PEX19: variants seen among roughly 807,000 people sequenced by gnomAD.
PEX19 encodes 33 kDa housekeeping protein.
Under a neutral mutation model 36.3 loss-of-function variants are expected in PEX19, and 29 were observed. That is an observed-to-expected ratio of 0.80 (90% CI 0.60 to 1.09). The LOEUF (loss-of-function observed/expected upper bound fraction) is 1.09. Ranked by LOEUF, PEX19 falls within the 50% of genes least tolerant of loss-of-function variation. PEX19 has a pLI of 0.00. For missense variants in PEX19, 396 were observed against 368.1 expected, an observed-to-expected ratio of 1.08 and a Z score of -0.62; for synonymous variants, 141 against 135.2, an observed-to-expected ratio of 1.04 and a Z score of -0.30.
Position 160,285,123 on chromosome 1 carries a change from ATC to A in PEX19, c.-1_1del. ...ACTACAGCCTTCCTCAGCGGCGGCC[ATC>A]TTGCTACCTCCGACTTGCCGTAGGA... On this transcript the variant is annotated start_lost and start_retained_variant and 5_prime_UTR_variant, in exon 1 of 8. Coordinates refer to ENST00000368072, the MANE Select transcript of PEX19 (RefSeq NM_002857.4). 6.2e-7 allele frequency: 1 copy of A among 1,613,406 alleles called. No individual in the cohort carries two copies. The highest frequency in any genetic ancestry group is 1.1e-5 in the South Asian group (1 of 91,064).
In PEX19 at chr1:160,279,335, T is replaced by C. The variant is rs1293153167; in HGVS notation, c.*216A>G. 1 of 687,226 alleles carries C rather than the reference T, an allele frequency of 1.5e-6. No homozygotes were observed. Among genetic ancestry groups the C allele is most frequent in the South Asian group, 1.5e-5 (1 of 66,614 alleles). The allele number at this position is 687,226 out of a possible 1,614,324, so 42.6% of individuals were successfully genotyped here. On this transcript the variant is annotated 3_prime_UTR_variant, in exon 8 of 8. Coordinates refer to ENST00000368072, the MANE Select transcript of PEX19 (RefSeq NM_002857.4). Reference sequence around the variant, plus strand: ...ACTTTGATAGTGGCAGAAACCACAATGGAGTAGGGTTCACAGAAATGGCCT... The same window carrying C: ...ACTTTGATAGTGGCAGAAACCACAACGGAGTAGGGTTCACAGAAATGGCCT...
rs181231561 is a variant in PEX19 at position 160,281,463 on chromosome 1, C to T, written c.594+576G>A. Reference sequence around the variant, plus strand: ...TTGCTCTGTCACCCAGGCCGGAGTACAGTGGCACAATCTCAGCTCACTGCA... The same window carrying T: ...TTGCTCTGTCACCCAGGCCGGAGTATAGTGGCACAATCTCAGCTCACTGCA... On this transcript the variant is annotated intron_variant, in intron 5 of 7. Transcript: ENST00000368072. Among the ~76,000 whole-genome samples, 773 of 152,322 alleles carry T rather than the reference C, an allele frequency of 5.1e-3. 1 individual carries two copies. The highest frequency in any genetic ancestry group is 8.5e-3 in the Non-Finnish European group (581 of 68,020).
rs575112594 is a variant in PEX19, at chr1:160,283,600, G to T, written c.110C>A (p.Ala37Glu). Residue 37 changes from alanine to glutamate, a missense_variant, in exon 2 of 8, where the codon GCA becomes GAA. Physicochemically the swap from Ala to Glu is moderately radical, Grantham distance 107. Transcript: ENST00000368072. Reference sequence around the variant, plus strand: ...AGGGGCCGTGGTGGTAGAAGGGGGTGCTGGGGAGGGTTTGGCTTTATCGAA... The same window carrying T: ...AGGGGCCGTGGTGGTAGAAGGGGGTTCTGGGGAGGGTTTGGCTTTATCGAA... ...DDFDKAKPSP[A>E]PPSTTTAPDA... 1.9e-6 allele frequency: 3 copies of T among 1,614,048 alleles called. No individual in the cohort carries two copies. Among genetic ancestry groups the T allele is most frequent in the Non-Finnish European group, 2.5e-6 (3 of 1,179,998 alleles).
At chr1:160,281,525 C>T (rs1442488327) in intron 5 of PEX19, among the ~76,000 whole-genome samples, 1 of 152,210 alleles carries the variant, frequency 6.6e-6, no homozygotes, top group Non-Finnish European at 1.5e-5. Flanking sequence ...TCTCCTGCTG[C>T]CTCCTGAGTA....
rs1328931034 is a variant in PEX19, at chr1:160,278,761, A to G, written c.*790T>C. 1.3e-5 allele frequency: 6 copies of G among 453,966 alleles called. No homozygotes were observed. The highest frequency in any genetic ancestry group is 7.0e-5 in the Admixed American group (3 of 42,556). 28.1% of individuals were successfully genotyped at this position (453,966 alleles called of 1,614,324 possible). ...GAAATAGGATGGGCCCTTCTTTATCACAGCTTGAGCTCAAAAAGGTTGGGA... is the reference window on the plus strand; with the variant it reads ...GAAATAGGATGGGCCCTTCTTTATCGCAGCTTGAGCTCAAAAAGGTTGGGA... On this transcript the variant is annotated 3_prime_UTR_variant, in exon 8 of 8. Coordinates refer to ENST00000368072, the MANE Select transcript of PEX19 (RefSeq NM_002857.4).
At position 160,278,123 on chromosome 1, in the gene PEX19, G is replaced by GT. The variant is rs1657614823; in HGVS notation, c.*1427dup. On this transcript the variant is annotated 3_prime_UTR_variant, in exon 8 of 8. Transcript: ENST00000368072. ...AGGACAGCCAGCTGAGCTGACCAGAGTACCTACCAACATATGTCAGCCAAG... is the reference window on the plus strand; with the variant it reads ...AGGACAGCCAGCTGAGCTGACCAGAGTTACCTACCAACATATGTCAGCCAAG... 2 of 702,392 alleles carry GT rather than the reference G, an allele frequency of 2.8e-6. No homozygotes were observed. The highest frequency in any genetic ancestry group is 4.0e-5 in the Admixed American group (2 of 49,990). 43.5% of individuals were successfully genotyped at this position (702,392 alleles called of 1,614,324 possible). A position where few individuals can be genotyped will look rare whatever the true frequency, so the allele number is the denominator to read the frequency against.
Position 160,278,807 on chromosome 1 carries a change from A to G in PEX19, c.*744T>C, listed in dbSNP as rs1018604406. The G allele has an allele frequency of 4.4e-6, 2 of 454,080 alleles. No individual in the cohort carries two copies. The highest frequency in any genetic ancestry group is 4.4e-6 in the Non-Finnish European group (1 of 226,800). 28.1% of individuals were successfully genotyped at this position (454,080 alleles called of 1,614,324 possible). On this transcript the variant is annotated 3_prime_UTR_variant, in exon 8 of 8. Coordinates refer to ENST00000368072, the MANE Select transcript of PEX19 (RefSeq NM_002857.4). The stretch of plus-strand genomic sequence containing the variant: ...TGGGATAAACAGGTGTTTAAAAAAG[A>G]GAGGAGGTAAAAGGGAGGATGGGCA...
chr1:160,279,800 C>A lies in PEX19; in HGVS notation c.816+1G>T. 6.2e-7 allele frequency: 1 copy of A among 1,612,270 alleles called. No individual in the cohort carries two copies. The highest frequency in any genetic ancestry group is 8.5e-7 in the Non-Finnish European group (1 of 1,178,318). ...AATCTGGAAAAATAAGACATACTCA[C>A]CATCTCTCCAGCCAGCTCTTTTGGA... On this transcript the variant is annotated splice_donor_variant, in intron 7 of 7. Coordinates refer to ENST00000368072, the MANE Select transcript of PEX19 (RefSeq NM_002857.4). LOFTEE classifies it high-confidence loss of function.
intron 1 of PEX19, among the ~76,000 whole-genome samples, 164 bp downstream of exon 1, chr1:160,284,891 G>A (rs1657944728): frequency 1.3e-5 from 2 of 152,146 alleles, no homozygotes; most frequent in Non-Finnish European, 1.5e-5. Flanking sequence ...GGGTGGGGCA[G>A]GATGACCCAG....
In PEX19 at chr1:160,283,098, G is replaced by A. The variant is rs750771594; in HGVS notation, c.192C>T (p.Phe64=). ...CCTGGAAAAACTTCTCTTGGGAAGC[G>A]AAGAGGGCATCCTGCGGGGGAAGGA... ...SPGDTAKDAL[F]ASQEKFFQEL... The change falls in exon 3 of 8, where the codon TTC becomes TTT. Residue 64 remains phenylalanine (F), a synonymous_variant. Coordinates refer to ENST00000368072, the MANE Select transcript of PEX19 (RefSeq NM_002857.4). 1.6e-5 allele frequency: 26 copies of A among 1,613,464 alleles called. No homozygotes were observed. Among genetic ancestry groups the A allele is most frequent in the African/African-American group, 8.0e-5 (6 of 74,882 alleles).
In PEX19 at chr1:160,277,542, G is replaced by A. The variant is rs1657591322; in HGVS notation, c.*2009C>T. ...ATTCCAAAAGTTTTTGGAACAAAGT[G>A]TGACCTGAGGTCAACCTGCTCACAT... is the stretch of plus-strand genomic sequence containing the variant. On this transcript the variant is annotated 3_prime_UTR_variant, in exon 8 of 8. Transcript: ENST00000368072. 2.2e-6 allele frequency: 1 copy of A among 454,486 alleles called. No homozygotes were observed. The highest frequency in any genetic ancestry group is 2.0e-5 in the African/African-American group (1 of 50,032). The allele number at this position is 454,486 out of a possible 1,614,324, so 28.2% of individuals were successfully genotyped here.
chr1:160,277,074 C>T lies in PEX19; in HGVS notation c.*2477G>A, dbSNP rs1657567191. Reference sequence around the variant, plus strand: ...AAGAACAAGTTCTCTGGAAGTGAAACTCAAATAGGAGAGAACAAGAGATAC... The same window carrying T: ...AAGAACAAGTTCTCTGGAAGTGAAATTCAAATAGGAGAGAACAAGAGATAC... On this transcript the variant is annotated 3_prime_UTR_variant, in exon 8 of 8. Coordinates refer to ENST00000368072, the MANE Select transcript of PEX19 (RefSeq NM_002857.4). The T allele has an allele frequency of 2.2e-6, 1 of 454,016 alleles. No homozygotes were observed. The highest frequency in any genetic ancestry group is 6.9e-5 in the East Asian group (1 of 14,400). The allele number at this position is 454,016 out of a possible 1,614,324, so 28.1% of individuals were successfully genotyped here.
Position 160,278,936 on chromosome 1 carries a change from G to C in PEX19, c.*615C>G. ...TCTCAGCCTGGAACAGGGAGGTGAG[G>C]GCTCAGCACCTAGAGAGAGGAGAAT... On this transcript the variant is annotated 3_prime_UTR_variant, in exon 8 of 8. Coordinates refer to ENST00000368072, the MANE Select transcript of PEX19 (RefSeq NM_002857.4). 2.2e-6 allele frequency: 1 copy of C among 454,090 alleles called. No individual in the cohort carries two copies. Among genetic ancestry groups the C allele is most frequent in the South Asian group, 1.6e-5 (1 of 64,476 alleles). The allele number at this position is 454,090 out of a possible 1,614,324, so 28.1% of individuals were successfully genotyped here.
chr1:160,282,306 A>G, intron 4 of PEX19, 106 bp from the exon 5 acceptor site: 2 of 1,443,038 alleles, frequency 1.4e-6, no homozygotes, highest in Non-Finnish European at 9.7e-7. Context: ...GTAACAAACA[A>G]TAAGACAGCA....
intron 3 of PEX19, 77 bp from the exon 4 acceptor site, chr1:160,282,579 T>C: frequency 9.2e-7 from 1 of 1,082,474 alleles, no homozygotes; most frequent in Middle Eastern, 2.0e-4. Context: ...ACAGCTTGGA[T>C]ATGAAGCATT....
At chr1:160,283,667 T>C (rs370907377) in intron 1 of PEX19, 28 bp from the exon 2 acceptor site, 10 of 1,538,372 alleles carry the variant, frequency 6.5e-6, no homozygotes, top group Non-Finnish European at 9.0e-6. Flanking sequence ...ATGGTGTGTG[T>C]GTTGGCGACA....
rs775272239 is a variant in PEX19 at position 160,280,128 on chromosome 1, G to T, written c.713C>A (p.Thr238Lys). ...AGCCTTTTGAGTGGTTTCACTGTCT[G>T]TGGGGGTCTCTGCCTCAAACTGCTC... is the stretch of plus-strand genomic sequence containing the variant. ...ICEQFEAETPTDSETTQKARF... is the reference protein window; with the variant it reads ...ICEQFEAETPKDSETTQKARF... Residue 238 changes from threonine to lysine, a missense_variant, in exon 6 of 8, where the codon ACA (threonine) becomes AAA (lysine). Physicochemically the swap from Thr to Lys is moderately conservative, Grantham distance 78. Transcript: ENST00000368072. 1.9e-6 allele frequency: 3 copies of T among 1,613,864 alleles called. No homozygotes were observed. Among genetic ancestry groups the T allele is most frequent in the Non-Finnish European group, 2.5e-6 (3 of 1,179,856 alleles).
chr1:160,278,716 G>T lies in PEX19; in HGVS notation c.*835C>A, dbSNP rs755160076. On this transcript the variant is annotated 3_prime_UTR_variant, in exon 8 of 8. Coordinates refer to ENST00000368072, the MANE Select transcript of PEX19 (RefSeq NM_002857.4). ...GGAAGACGGGGAGTCAGTGAGAATC[G>T]TAAATGGACTAGATGAGGGGAAATA... The T allele has an allele frequency of 2.2e-6, 1 of 454,138 alleles. No individual in the cohort carries two copies. The highest frequency in any genetic ancestry group is 1.6e-5 in the South Asian group (1 of 64,484). 28.1% of individuals were successfully genotyped at this position (454,138 alleles called of 1,614,324 possible). A position where few individuals can be genotyped will look rare whatever the true frequency, so the allele number is the denominator to read the frequency against.
At position 160,278,198 on chromosome 1, in the gene PEX19, G is replaced by A. The variant is rs1571133396; in HGVS notation, c.*1353C>T. On this transcript the variant is annotated 3_prime_UTR_variant, in exon 8 of 8. Transcript: ENST00000368072. Reference sequence around the variant, plus strand: ...AGAAAAAAAGCCACGTCAGCTTAAAGAAAAATAATTTAGAAAACATAACAA... The same window carrying A: ...AGAAAAAAAGCCACGTCAGCTTAAAAAAAAATAATTTAGAAAACATAACAA... 3 of 702,426 alleles carry A rather than the reference G, an allele frequency of 4.3e-6. No homozygotes were observed. The highest frequency in any genetic ancestry group is 7.8e-6 in the Non-Finnish European group (3 of 384,938). 43.5% of individuals were successfully genotyped at this position (702,426 alleles called of 1,614,324 possible).
Sources: gnomAD v4.1 joint callset for allele counts (sites outside exome capture counted in the v4.1 genomes callset) on GRCh38, gnomAD v4.1.1 for gene constraint, MANE v1.5 for transcripts, NCBI Gene and HGNC (gene_info 2026-07-23, HGNC 2026-07-21) for gene names.